PGAM1: variants seen among roughly 807,000 people sequenced by gnomAD.
The protein encoded by PGAM1 is phosphoglycerate mutase 1.
PGAM1 carries 21 observed loss-of-function variants against 23.5 expected under a neutral mutation model. That is an observed-to-expected ratio of 0.89 (90% CI 0.63 to 1.29). PGAM1 has a LOEUF of 1.29. PGAM1 is among the 50% of genes most tolerant of loss of function. The pLI is 0.00. For missense variants in PGAM1, 232 were observed against 336.3 expected, an observed-to-expected ratio of 0.69 and a Z score of 2.42; for synonymous variants, 109 against 128.6, an observed-to-expected ratio of 0.85 and a Z score of 1.03.
At chr10:97,430,057 A>T (rs117603972) in intron 1 of PGAM1, among the ~76,000 whole-genome samples, 9,433 of 151,730 alleles carry the variant, frequency 0.062, 361 homozygotes, top group Middle Eastern at 0.13. Flanking sequence ...AAAAAAAAAA[A>T]AAAAAGAAAA....
In PGAM1 at chr10:97,426,464, G is replaced by A; in HGVS notation, c.139+18G>A. The A allele has an allele frequency of 6.3e-7, 1 of 1,576,174 alleles. No homozygotes were observed. Among genetic ancestry groups the A allele is most frequent in the Non-Finnish European group, 8.6e-7 (1 of 1,161,376 alleles). ...GCTACGAGGTGCGGAGGGGCCGGGT[G>A]TGGGCTGCGAAGGGCCGGGTGTCCG... On this transcript the variant is annotated intron_variant, in intron 1 of 3. Coordinates refer to ENST00000334828, the MANE Select transcript of PGAM1 (RefSeq NM_002629.4).
At chr10:97,430,769 T>A (rs528018026) in intron 2 of PGAM1, 116 bp downstream of exon 2, 2 of 1,522,512 alleles carry the variant, frequency 1.3e-6, no homozygotes, top group East Asian at 4.5e-5. Flanking sequence ...AATCCTTCCT[T>A]CTCCAGTGAA....
chr10:97,432,240 AG>A, intron 3 of PGAM1, 114 bp from the exon 4 acceptor site: 1 of 1,368,626 alleles, frequency 7.3e-7, no homozygotes, highest in East Asian at 2.3e-5. Flanking sequence ...AAGATCAGAA[AG>A]GGTGTCTTAT....
Position 97,426,247 on chromosome 10 carries a change from G to T in PGAM1, c.-61G>T. The stretch of plus-strand genomic sequence containing the variant: ...GCGAGCGCGCAGGCGCGGCCGACGG[G>T]GCGGGCTGCTACTCCGGAATCTGCT... On this transcript the variant is annotated 5_prime_UTR_variant, in exon 1 of 4. Transcript: ENST00000334828. 1 of 1,608,306 alleles carries T rather than the reference G, an allele frequency of 6.2e-7. No individual in the cohort carries two copies. Among genetic ancestry groups the T allele is most frequent in the Non-Finnish European group, 8.5e-7 (1 of 1,178,264 alleles).
At chr10:97,428,654 G>A (rs1185682265) in intron 1 of PGAM1, among the ~76,000 whole-genome samples, 1 of 152,200 alleles carries the variant, frequency 6.6e-6, no homozygotes, top group African/African-American at 2.4e-5. Context: ...CTTGCACTGT[G>A]GGTATTCACT....
In PGAM1 at chr10:97,431,132, G is replaced by A. The variant is rs752065720; in HGVS notation, c.592G>A (p.Glu198Lys). The A allele has an allele frequency of 1.9e-6, 3 of 1,614,202 alleles. No individual in the cohort carries two copies. The highest frequency in any genetic ancestry group is 2.5e-6 in the Non-Finnish European group (3 of 1,180,040). Residue 198 changes from glutamate to lysine, a missense_variant, in exon 3 of 4, where the codon GAG becomes AAG. By Grantham distance (56) the Glu-to-Lys change is moderately conservative (BLOSUM62 1). Transcript: ENST00000334828. ...CCTCCGGGGCATTGTCAAGCATCTGGAGGGTATGTATGTTTTTTCAGAGGC... is the reference window on the plus strand; with the variant it reads ...CCTCCGGGGCATTGTCAAGCATCTGAAGGGTATGTATGTTTTTTCAGAGGC... ...NSLRGIVKHL[E>K]GLSEEAIMEL...
intron 3 of PGAM1, among the ~76,000 whole-genome samples, chr10:97,431,922 A>G (rs1393564318): frequency 6.6e-6 from 1 of 152,048 alleles, no homozygotes; most frequent in Non-Finnish European, 1.5e-5. Flanking sequence ...AATATATATA[A>G]AAGAAAAAAT....
chr10:97,431,485 ATCC>A (rs1216843463), intron 3 of PGAM1, among the ~76,000 whole-genome samples: 6 of 152,152 alleles, frequency 3.9e-5, no homozygotes, highest in African/African-American at 1.4e-4. Flanking sequence ...GCTAGTGAAA[ATCC>A]TCCTTAGCTT....
Position 97,426,359 on chromosome 10 carries a change from C to T in PGAM1, c.52C>T (p.Leu18=), listed in dbSNP as rs1420675968. 1 of 1,610,020 alleles carries T rather than the reference C, an allele frequency of 6.2e-7. No individual in the cohort carries two copies. Among genetic ancestry groups the T allele is most frequent in the South Asian group, 1.1e-5 (1 of 90,910 alleles). The stretch of plus-strand genomic sequence containing the variant: ...CCGGCACGGCGAGAGCGCATGGAAC[C>T]TGGAGAACCGCTTCAGCGGCTGGTA... The part of the protein sequence containing the change: ...LIRHGESAWN[L]ENRFSGWYDA... Residue 18 remains leucine, a synonymous_variant, in exon 1 of 4, where the codon CTG becomes TTG. Transcript: ENST00000334828.
intron 3 of PGAM1, among the ~76,000 whole-genome samples, 159 bp from the exon 4 acceptor site, chr10:97,432,196 G>A (rs1275834348): frequency 1.3e-5 from 2 of 152,216 alleles, no homozygotes; most frequent in African/African-American, 4.8e-5. Context: ...AATAAGTATG[G>A]TGGGGGCCAT....
intron 1 of PGAM1, chr10:97,428,078 T>C: frequency 2.1e-6 from 1 of 477,158 alleles, no homozygotes. Flanking sequence ...AAGAACTGTA[T>C]CAGTCCGTGG....
At chr10:97,430,776 T>A in intron 2 of PGAM1, 123 bp downstream of exon 2, 1 of 1,494,502 alleles carries the variant, frequency 6.7e-7, no homozygotes, top group Non-Finnish European at 9.2e-7. Flanking sequence ...CCTTCTCCAG[T>A]GAATGACCTT....
In PGAM1 at chr10:97,427,362, A is replaced by G. The variant is rs1271899846; in HGVS notation, c.139+916A>G. On this transcript the variant is annotated intron_variant, in intron 1 of 3. Coordinates refer to ENST00000334828, the MANE Select transcript of PGAM1 (RefSeq NM_002629.4). ...AGCATTCCACAAATAGTGTGTCCAA[A>G]ACGCATCTGTAGATGTAACTTGAGT... is the stretch of plus-strand genomic sequence containing the variant. 9.0e-6 allele frequency: 9 copies of G among 999,038 alleles called. No homozygotes were observed. The East Asian group carries it at 4.3e-4, about 48-fold the overall frequency. 61.9% of individuals were successfully genotyped at this position (999,038 alleles called of 1,614,324 possible).
rs750668363 is a variant in PGAM1, at chr10:97,426,459, C to T, written c.139+13C>T. On this transcript the variant is annotated intron_variant, in intron 1 of 3. Coordinates refer to ENST00000334828, the MANE Select transcript of PGAM1 (RefSeq NM_002629.4). Reference sequence around the variant, plus strand: ...CAGGCGCTACGAGGTGCGGAGGGGCCGGGTGTGGGCTGCGAAGGGCCGGGT... The same window carrying T: ...CAGGCGCTACGAGGTGCGGAGGGGCTGGGTGTGGGCTGCGAAGGGCCGGGT... 17 of 1,582,450 alleles carry T rather than the reference C, an allele frequency of 1.1e-5. No homozygotes were observed. Among genetic ancestry groups the T allele is most frequent in the East Asian group, 2.3e-5 (1 of 43,476 alleles).
chr10:97,432,249 T>TA, intron 3 of PGAM1, 106 bp from the exon 4 acceptor site: 1 of 1,456,056 alleles, frequency 6.9e-7, no homozygotes, highest in Non-Finnish European at 9.6e-7. Context: ...AAGGGTGTCT[T>TA]ATTTTAATTT....
rs772940655 is a variant in PGAM1 at position 97,426,403 on chromosome 10, G to A, written c.96G>A (p.Pro32=). ...FSGWYDADLS[P]AGHEEAKRGG... Reference sequence around the variant, plus strand: ...GCTGGTACGACGCCGACCTGAGCCCGGCGGGCCACGAGGAGGCGAAGCGCG... The same window carrying A: ...GCTGGTACGACGCCGACCTGAGCCCAGCGGGCCACGAGGAGGCGAAGCGCG... Residue 32 remains proline (P), a synonymous_variant, in exon 1 of 4, where the codon CCG becomes CCA. Transcript: ENST00000334828. 8.1e-6 allele frequency: 13 copies of A among 1,605,176 alleles called. No individual in the cohort carries two copies. The highest frequency in any genetic ancestry group is 2.2e-4 in the Middle Eastern group (1 of 4,512).
chr10:97,429,738 CTG>C (rs909884603), intron 1 of PGAM1, among the ~76,000 whole-genome samples: 17 of 152,078 alleles, frequency 1.1e-4, no homozygotes, highest in Admixed American at 1.0e-3. Context: ...ATACAACAAA[CTG>C]AAGTTTTATC....
intron 1 of PGAM1, 140 bp downstream of exon 1, chr10:97,426,586 A>G: frequency 4.4e-6 from 5 of 1,134,226 alleles, no homozygotes; most frequent in Non-Finnish European, 6.0e-6. Context: ...AGTTGAGAAG[A>G]TGAGTGCAGA....
chr10:97,427,358 C>G, intron 1 of PGAM1: 2 of 998,362 alleles, frequency 2.0e-6, no homozygotes, highest in Non-Finnish European at 2.4e-6. Context: ...AATAGTGTGT[C>G]CAAAACGCAT....
Sources: allele counts gnomAD v4.1 joint callset (sites outside exome capture counted in the v4.1 genomes callset), GRCh38; gene constraint gnomAD v4.1.1; transcripts MANE v1.5; gene names NCBI Gene and HGNC (gene_info 2026-07-23, HGNC 2026-07-21).